Variants in ADAM12 observed in about 807,000 individuals in gnomAD.
ADAM12 encodes disintegrin and metalloproteinase domain-containing protein 12.
In ADAM12, 70 loss-of-function variants were observed where a neutral mutation model predicts 106.4. The ratio of observed to expected loss-of-function variants is 0.66; its 90% CI spans 0.54 to 0.80. The LOEUF (loss-of-function observed/expected upper bound fraction) is 0.80, where lower values mean the gene tolerates loss of function less well. Among genes scored for constraint, ADAM12 ranks in the 30% least tolerant of loss-of-function variants. The pLI is 0.00. For missense variants in ADAM12, 1,010 were observed against 1,171.9 expected (o/e 0.86, Z 2.02); for synonymous variants, 420 against 433.5 (o/e 0.97, Z 0.39).
At chr10:126,108,010 C>T (rs956456972) in intron 8 of ADAM12, among the ~76,000 whole-genome samples, 1 of 152,160 alleles carries the variant, frequency 6.6e-6, no homozygotes, top group Non-Finnish European at 1.5e-5. Context: ...ACCTGGTTTG[C>T]AGGGGCTCCT....
intron 14 of ADAM12, among the ~76,000 whole-genome samples, chr10:126,050,200 A>G (rs970187534): frequency 1.3e-5 from 2 of 152,158 alleles, no homozygotes; most frequent in African/African-American, 4.8e-5. Context: ...AATACCTTCT[A>G]TTTTATTTGC....
At chr10:126,078,781 AG>A (rs1393639233) in intron 11 of ADAM12, among the ~76,000 whole-genome samples, 1 of 152,090 alleles carries the variant, frequency 6.6e-6, no homozygotes. Context: ...AATGAGGTGA[AG>A]GGATTTGACA....
chr10:126,341,052 C>A (rs1434171185), intron 1 of ADAM12, among the ~76,000 whole-genome samples: 3 of 152,060 alleles, frequency 2.0e-5, no homozygotes, highest in African/African-American at 4.8e-5. Context: ...GCATAGAATA[C>A]CCTACTCTCA....
chr10:126,027,886 A>T (rs1362436618), intron 21 of ADAM12, among the ~76,000 whole-genome samples: 1 of 152,196 alleles, frequency 6.6e-6, no homozygotes, highest in Non-Finnish European at 1.5e-5. Context: ...GTGTATTCAA[A>T]TAGGAAGAGA....
chr10:126,024,313 AACTT>A, intron 21 of ADAM12, among the ~76,000 whole-genome samples: 1 of 152,330 alleles, frequency 6.6e-6, no homozygotes, highest in Non-Finnish European at 1.5e-5. Context: ...ATATATCTGA[AACTT>A]AAATAGGCAT....
chr10:126,214,727 G>C (rs529908699), intron 3 of ADAM12, among the ~76,000 whole-genome samples: 1 of 152,236 alleles, frequency 6.6e-6, no homozygotes, highest in South Asian at 2.1e-4. Flanking sequence ...ACGTTTTTGA[G>C]AAGAGTATCT....
chr10:126,343,831 T>G (rs1855030366), intron 1 of ADAM12, among the ~76,000 whole-genome samples: 1 of 152,250 alleles, frequency 6.6e-6, no homozygotes, highest in South Asian at 2.1e-4. Context: ...TGTCTTCTTT[T>G]GAGAAGTGTC....
chr10:126,384,648 T>A (rs1590851057), intron 1 of ADAM12, among the ~76,000 whole-genome samples: 1 of 152,236 alleles, frequency 6.6e-6, no homozygotes, highest in African/African-American at 2.4e-5. Context: ...GAAAGGAGGT[T>A]GATAGTTCTT....
chr10:126,369,826 G>T (rs1384460767), intron 1 of ADAM12, among the ~76,000 whole-genome samples: 6 of 152,278 alleles, frequency 3.9e-5, no homozygotes, highest in Admixed American at 2.6e-4. Flanking sequence ...ACTCTCATAT[G>T]TAACCCTGGT....
intron 1 of ADAM12, among the ~76,000 whole-genome samples, chr10:126,361,060 C>T (rs1855724959): frequency 6.6e-6 from 1 of 152,098 alleles, no homozygotes; most frequent in South Asian, 2.1e-4. Context: ...TCACTATCAC[C>T]AGAACAGCAT....
intron 3 of ADAM12, among the ~76,000 whole-genome samples, chr10:126,223,034 C>T (rs1247373866): frequency 6.6e-6 from 1 of 152,216 alleles, no homozygotes; most frequent in Non-Finnish European, 1.5e-5. Context: ...TTAGAAAGCA[C>T]AGCTCTGCCA....
rs1378799299 is a variant in ADAM12 at position 126,093,935 on chromosome 10, C to A, written c.1145+50G>T. ...TTTGACTCATCTGGTTCCCAACACA[C>A]ACTTCAAGCCATGCACACTGTCAAA... On this transcript the variant is annotated intron_variant, in intron 11 of 22. Transcript: ENST00000448723. 23 of 1,602,074 alleles carry A rather than the reference C, an allele frequency of 1.4e-5. 1 individual carries two copies. In the East Asian group the frequency reaches 5.1e-4, roughly 36 times the overall value.
chr10:126,080,036 T>TA (rs1955182598), intron 11 of ADAM12, among the ~76,000 whole-genome samples: 1 of 152,196 alleles, frequency 6.6e-6, no homozygotes. Flanking sequence ...CTGGAAGTGT[T>TA]ATGTGAAATT....
rs912732948 is a variant in ADAM12 at position 126,014,359 on chromosome 10, T to C, written c.*2920A>G. 1 of 146,904 alleles carries C rather than the reference T, an allele frequency of 6.8e-6. No homozygotes were observed. Among genetic ancestry groups the C allele is most frequent in the Non-Finnish European group, 1.5e-5 (1 of 67,062 alleles). The allele number at this position is 146,904 out of a possible 1,614,324, so 9.1% of individuals were successfully genotyped here. A position where few individuals can be genotyped will look rare whatever the true frequency, so the allele number is the denominator to read the frequency against. On this transcript the variant is annotated 3_prime_UTR_variant, in exon 23 of 23. Transcript: ENST00000448723. ...TTTTGAGGATGCATTGATGTATTGA[T>C]TTGCCTGGGAACAATGGCCTATAGT...
At chr10:126,320,968 A>G (rs1468768423) in intron 2 of ADAM12, among the ~76,000 whole-genome samples, 3 of 152,192 alleles carry the variant, frequency 2.0e-5, no homozygotes, top group Admixed American at 6.5e-5. Flanking sequence ...TTAAAATCCC[A>G]TATGTCTGAC....
chr10:126,248,154 T>C (rs886776329), intron 3 of ADAM12, among the ~76,000 whole-genome samples: 22 of 152,200 alleles, frequency 1.4e-4, no homozygotes, highest in African/African-American at 5.3e-4. Flanking sequence ...AGTGTGGCAG[T>C]CATACCCCCT....
chr10:126,167,457 T>C (rs997032059), intron 3 of ADAM12, among the ~76,000 whole-genome samples: 12 of 152,196 alleles, frequency 7.9e-5, no homozygotes, highest in African/African-American at 2.9e-4. Context: ...GTGAGTTGGG[T>C]GAATCTATTT....
chr10:126,181,669 G>T (rs1386706073), intron 3 of ADAM12, among the ~76,000 whole-genome samples: 1 of 152,192 alleles, frequency 6.6e-6, no homozygotes, highest in African/African-American at 2.4e-5. Flanking sequence ...AACCTTCAGA[G>T]GAAGGAGAGA....
chr10:126,137,829 C>T (rs2125746), intron 4 of ADAM12, among the ~76,000 whole-genome samples: 64,648 of 152,104 alleles, frequency 0.43, 14,062 homozygotes, highest in East Asian at 0.53. Context: ...TTATGAGTAA[C>T]GTTACTATGA....
Sources: allele counts gnomAD v4.1 joint callset (sites outside exome capture counted in the v4.1 genomes callset), GRCh38; gene constraint gnomAD v4.1.1; transcripts MANE v1.5; gene names NCBI Gene and HGNC (gene_info 2026-07-23, HGNC 2026-07-21).